The following PLPPR1 variants were observed in gnomAD, a reference collection of about 807,000 sequenced individuals.
PLPPR1 encodes the protein phospholipid phosphatase related 1.
In PLPPR1, 10 loss-of-function variants were observed where a neutral mutation model predicts 33.1. That is an observed-to-expected ratio of 0.30 (90% confidence interval 0.19 to 0.51). The LOEUF is 0.51. PLPPR1 is among the 20% of genes least tolerant of loss of function. The pLI is 0.97. For missense variants in PLPPR1, 304 were observed against 408.1 expected (o/e 0.74, Z 2.20); for synonymous variants, 151 against 151.0 (o/e 1.00, Z 0.00).
At chr9:101,131,437 G>A (rs1291521324) in intron 1 of PLPPR1, 1 of 152,216 alleles carries the variant, frequency 6.6e-6, no homozygotes, top group Admixed American at 6.5e-5. Context: ...GACCCCAGCT[G>A]TGTCTGTTGT....
At chr9:101,210,302 T>C (rs577386805) in intron 2 of PLPPR1, among the ~76,000 whole-genome samples, 2 of 152,072 alleles carry the variant, frequency 1.3e-5, no homozygotes, top group South Asian at 4.1e-4. Context: ...AAGACAGGAG[T>C]ATGAGAAGAT....
At chr9:101,191,947 T>C (rs1826303464) in intron 2 of PLPPR1, among the ~76,000 whole-genome samples, 1 of 152,208 alleles carries the variant, frequency 6.6e-6, no homozygotes, top group South Asian at 2.1e-4. Context: ...GCAATTTTTA[T>C]TGCCTATTTT....
rs184838639 is a variant in PLPPR1, at chr9:101,078,482, T to G, written c.-46+49380T>G. 2.0e-4 allele frequency among the ~76,000 whole-genome samples: 30 copies of G among 152,226 alleles called. No individual in the cohort carries two copies. In the South Asian group the frequency reaches 2.1e-3, roughly 11 times the overall value. ...TTTTGGGAATCAAATTTGTGTGTGC[T>G]TCTAGATTTTTTTCCATGTTGAGAT... On this transcript the variant is annotated intron_variant, in intron 1 of 7. Transcript: ENST00000374874.
At chr9:101,258,222 A>G (rs1827836347) in intron 2 of PLPPR1, among the ~76,000 whole-genome samples, 1 of 152,146 alleles carries the variant, frequency 6.6e-6, no homozygotes, top group South Asian at 2.1e-4. Flanking sequence ...GCTGCCACAT[A>G]CTTCTCTCTC....
rs1470846618 is a variant in PLPPR1 at position 101,265,962 on chromosome 9, C to T, written c.64-3918C>T. 2.0e-5 allele frequency among the ~76,000 whole-genome samples: 3 copies of T among 151,748 alleles called. 1 individual carries two copies. Among genetic ancestry groups the T allele is most frequent in the Non-Finnish European group, 4.4e-5 (3 of 67,978 alleles). On this transcript the variant is annotated intron_variant, in intron 2 of 7. Transcript: ENST00000374874. ...AGTGAGCCGAGATTGTGCCATTGCACACCAGCCTGGGCGACAGTGCGAGAC... is the reference window on the plus strand; with the variant it reads ...AGTGAGCCGAGATTGTGCCATTGCATACCAGCCTGGGCGACAGTGCGAGAC...
intron 2 of PLPPR1, among the ~76,000 whole-genome samples, chr9:101,267,000 C>G (rs1828010785): frequency 6.6e-6 from 1 of 152,148 alleles, no homozygotes. Flanking sequence ...TATTCCCATT[C>G]AGGTATCTCC....
chr9:101,137,044 T>C (rs59172412), intron 1 of PLPPR1, among the ~76,000 whole-genome samples: 158 of 152,302 alleles, frequency 1.0e-3, no homozygotes, highest in African/African-American at 3.7e-3. Flanking sequence ...GATACCCCAT[T>C]TACCAGGATG....
intron 1 of PLPPR1, among the ~76,000 whole-genome samples, chr9:101,086,264 G>T (rs1324695697): frequency 6.6e-6 from 1 of 152,110 alleles, no homozygotes; most frequent in Admixed American, 6.6e-5. Flanking sequence ...GAGTTTTACT[G>T]GGGATCGGCA....
intron 1 of PLPPR1, among the ~76,000 whole-genome samples, chr9:101,053,122 C>G (rs1175371678): frequency 6.6e-6 from 1 of 152,176 alleles, no homozygotes; most frequent in African/African-American, 2.4e-5. Flanking sequence ...ACTTGGATGC[C>G]ACACAGTACC....
intron 1 of PLPPR1, among the ~76,000 whole-genome samples, chr9:101,066,215 A>T (rs679860): frequency 0.56 from 84,466 of 151,766 alleles, 23,598 homozygotes; most frequent in Non-Finnish European, 0.58. Flanking sequence ...CTCATGAGTA[A>T]CAGGACTTAT....
intron 1 of PLPPR1, among the ~76,000 whole-genome samples, chr9:101,183,725 G>A (rs922959210): frequency 8.0e-6 from 1 of 124,624 alleles, no homozygotes; most frequent in African/African-American, 3.0e-5. Flanking sequence ...GTGTGTGTGT[G>A]TAGCCATATA....
intron 4 of PLPPR1, among the ~76,000 whole-genome samples, chr9:101,305,747 C>T (rs906294118): frequency 5.3e-5 from 8 of 151,824 alleles, no homozygotes; most frequent in African/African-American, 1.7e-4. Flanking sequence ...CCTTCATGCA[C>T]GTTTCCTGGT....
chr9:101,176,725 T>C (rs9697078), intron 1 of PLPPR1, among the ~76,000 whole-genome samples: 115,158 of 152,146 alleles, frequency 0.76, 44,177 homozygotes, highest in African/African-American at 0.82. Flanking sequence ...ATTCCGCCTC[T>C]ACCCACTTGA....
In PLPPR1 at chr9:101,300,771, G is replaced by A. The variant is rs529959512; in HGVS notation, c.386-8440G>A. Among the ~76,000 whole-genome samples, 20 of 152,238 alleles carry A rather than the reference G, an allele frequency of 1.3e-4. 1 individual carries two copies. Among genetic ancestry groups the A allele is most frequent in the Admixed American group, 1.2e-3 (19 of 15,290 alleles). On this transcript the variant is annotated intron_variant, in intron 4 of 7. Transcript: ENST00000374874. ...TCTCCACATTTAGTTTGTATCCAGG[G>A]CATATTTTCTAGACTTACTTGCATC...
intron 2 of PLPPR1, among the ~76,000 whole-genome samples, chr9:101,188,551 T>C (rs986143073): frequency 2.0e-5 from 3 of 152,058 alleles, no homozygotes; most frequent in African/African-American, 7.2e-5. Flanking sequence ...ATAGAGGCAG[T>C]GGTAGAAAAC....
intron 3 of PLPPR1, among the ~76,000 whole-genome samples, chr9:101,277,708 A>G (rs1043543918): frequency 8.5e-5 from 13 of 152,316 alleles, no homozygotes; most frequent in Middle Eastern, 6.8e-3. Flanking sequence ...CTAGTCCAAA[A>G]TTAAACACCT....
chr9:101,193,298 A>G (rs955775826), intron 2 of PLPPR1, among the ~76,000 whole-genome samples: 1 of 152,124 alleles, frequency 6.6e-6, no homozygotes, highest in African/African-American at 2.4e-5. Flanking sequence ...TTCCCCTACT[A>G]TCCCCTTTTC....
intron 4 of PLPPR1, among the ~76,000 whole-genome samples, chr9:101,301,493 C>T (rs1828751379): frequency 6.6e-6 from 1 of 152,110 alleles, no homozygotes; most frequent in Non-Finnish European, 1.5e-5. Flanking sequence ...GATAAAGTGA[C>T]TAGGTTCAGA....
chr9:101,124,959 G>C (rs1033694605), intron 1 of PLPPR1, among the ~76,000 whole-genome samples: 1 of 152,214 alleles, frequency 6.6e-6, no homozygotes, highest in African/African-American at 2.4e-5. Context: ...AAAGGTCCTG[G>C]AGAGAAAAGA....
Sources: allele counts gnomAD v4.1 joint callset (sites outside exome capture counted in the v4.1 genomes callset), GRCh38; gene constraint gnomAD v4.1.1; transcripts MANE v1.5; gene names NCBI Gene and HGNC (gene_info 2026-07-23, HGNC 2026-07-21).